The following CACNB1 variants were observed in gnomAD, a reference collection of about 807,000 sequenced individuals.
CACNB1 encodes voltage-dependent L-type calcium channel subunit beta-1.
In CACNB1, 29 loss-of-function variants were observed where a neutral mutation model predicts 71.6. That is an observed-to-expected ratio of 0.40 (90% CI 0.30 to 0.55). The LOEUF is 0.55. Ranked by LOEUF, CACNB1 falls within the 20% of genes least tolerant of loss-of-function variation. The pLI, the probability that CACNB1 is intolerant of heterozygous loss-of-function variation, is 0.38. For missense variants in CACNB1, 623 were observed against 801.8 expected, an observed-to-expected ratio of 0.78 and a Z score of 2.69; for synonymous variants, 300 against 319.6, an observed-to-expected ratio of 0.94 and a Z score of 0.65.
intron 13 of CACNB1, among the ~76,000 whole-genome samples, chr17:39,176,056 A>C (rs2045570514): frequency 6.6e-6 from 1 of 152,174 alleles, no homozygotes; most frequent in African/African-American, 2.4e-5. Context: ...GGTTTTCCAA[A>C]TATATTAACG....
At chr17:39,190,796 A>G (rs1339991327) in intron 3 of CACNB1, among the ~76,000 whole-genome samples, 1 of 152,182 alleles carries the variant, frequency 6.6e-6, no homozygotes, top group East Asian at 1.9e-4. Context: ...CATGTTACAC[A>G]CTTAACACAT....
Position 39,176,736 on chromosome 17 carries a change from T to C in CACNB1, c.1332+614A>G, listed in dbSNP as rs552463928. ...ATCAAGAGGTGGGCTGTGGCTCCCATGGGAGGAGGGCAAGGCAGGATGGGT... is the reference window on the plus strand; with the variant it reads ...ATCAAGAGGTGGGCTGTGGCTCCCACGGGAGGAGGGCAAGGCAGGATGGGT... On this transcript the variant is annotated intron_variant, in intron 13 of 13. Transcript: ENST00000394303. Among the ~76,000 whole-genome samples the C allele has an allele frequency of 2.6e-5, 4 of 152,246 alleles. No individual in the cohort carries two copies. The South Asian group carries it at 8.3e-4, about 32-fold the overall frequency.
At position 39,175,780 on chromosome 17, in the gene CACNB1, T is replaced by C; in HGVS notation, c.1333-123A>G. 2.5e-6 allele frequency: 2 copies of C among 812,388 alleles called. No individual in the cohort carries two copies. The highest frequency in any genetic ancestry group is 3.8e-6 in the Non-Finnish European group (2 of 530,736). The allele number at this position is 812,388 out of a possible 1,614,324, so 50.3% of individuals were successfully genotyped here. A position where few individuals can be genotyped will look rare whatever the true frequency, so the allele number is the denominator to read the frequency against. On this transcript the variant is annotated intron_variant, in intron 13 of 13. Coordinates refer to ENST00000394303, the MANE Select transcript of CACNB1 (RefSeq NM_000723.5). The surrounding 1 kb of genome is among the most constrained non-coding windows in gnomAD (Gnocchi z 4.7). ...GCCTGGATGAAGAGGGTGCTGGCTCTAGAGGAGGGGCCCCGGGGACAAACG... is the reference window on the plus strand; with the variant it reads ...GCCTGGATGAAGAGGGTGCTGGCTCCAGAGGAGGGGCCCCGGGGACAAACG...
chr17:39,177,281 G>A (rs1264486283), intron 13 of CACNB1, 69 bp downstream of exon 13: 2 of 1,608,942 alleles, frequency 1.2e-6, no homozygotes, highest in South Asian at 2.2e-5. Flanking sequence ...GCACCACACT[G>A]CCCCGCTGTG....
At chr17:39,189,562 A>C (rs2046022522) in intron 3 of CACNB1, among the ~76,000 whole-genome samples, 1 of 150,966 alleles carries the variant, frequency 6.6e-6, no homozygotes, top group African/African-American at 2.4e-5. Context: ...GCAATGGCGC[A>C]ATCTTGGCTC....
chr17:39,190,182 G>A (rs1038956916), intron 3 of CACNB1, among the ~76,000 whole-genome samples: 1 of 152,076 alleles, frequency 6.6e-6, no homozygotes, highest in African/African-American at 2.4e-5. Context: ...AGCACTTTGG[G>A]AGGCCGAGGC....
chr17:39,178,072 TGAA>T lies in CACNB1; in HGVS notation c.1055_1057del (p.Leu352del). 1 of 1,613,312 alleles carries T rather than the reference TGAA, an allele frequency of 6.2e-7. No individual in the cohort carries two copies. Among genetic ancestry groups the T allele is most frequent in the Non-Finnish European group, 8.5e-7 (1 of 1,179,310 alleles). Reference sequence around the variant, plus strand: ...CTTTCCTCGGGACTTGATGAGCCTTTGAAGTACCTGGTTTGGGGAGAGAGAAAA... The same window carrying T: ...CTTTCCTCGGGACTTGATGAGCCTTTGTACCTGGTTTGGGGAGAGAGAAAA... On this transcript the variant is annotated inframe_deletion, in exon 12 of 14. Coordinates refer to ENST00000394303, the MANE Select transcript of CACNB1 (RefSeq NM_000723.5).
chr17:39,191,771 A>G, intron 2 of CACNB1, 178 bp from the exon 3 acceptor site: 1 of 593,932 alleles, frequency 1.7e-6, no homozygotes, highest in African/African-American at 2.0e-5. Flanking sequence ...GAGATTTCTC[A>G]GGCCCCTGGG....
rs576164853 is a variant in CACNB1, at chr17:39,177,008, C to A, written c.1332+342G>T. On this transcript the variant is annotated intron_variant, in intron 13 of 13. Coordinates refer to ENST00000394303, the MANE Select transcript of CACNB1 (RefSeq NM_000723.5). ...GTCTTCCTCGCATGTCCTTCCTAGTCCCTTGTCTTAAAAGCGCTCCCATCA... is the reference window on the plus strand; with the variant it reads ...GTCTTCCTCGCATGTCCTTCCTAGTACCTTGTCTTAAAAGCGCTCCCATCA... 26 of 759,314 alleles carry A rather than the reference C, an allele frequency of 3.4e-5. No homozygotes were observed. In the African/African-American group the frequency reaches 4.6e-4, roughly 14 times the overall value. The allele number at this position is 759,314 out of a possible 1,614,324, so 47.0% of individuals were successfully genotyped here.
intron 11 of CACNB1, 160 bp from the exon 12 acceptor site, chr17:39,178,239 C>G: frequency 1.6e-6 from 1 of 622,438 alleles, no homozygotes; most frequent in South Asian, 1.8e-5. Context: ...GAAAGGACCT[C>G]AGCAGCCCTG....
In CACNB1 at chr17:39,177,296, C is replaced by T. The variant is rs958342837; in HGVS notation, c.1332+54G>A. ...GCACCACACTGCCCCGCTGTGAGGA[C>T]TCCAGCCCGCCCCAGAAGCCGAGGT... is the stretch of plus-strand genomic sequence containing the variant. On this transcript the variant is annotated intron_variant, in intron 13 of 13. Coordinates refer to ENST00000394303, the MANE Select transcript of CACNB1 (RefSeq NM_000723.5). 3 of 1,610,594 alleles carry T rather than the reference C, an allele frequency of 1.9e-6. No individual in the cohort carries two copies. The African/African-American group carries it at 4.0e-5, about 21-fold the overall frequency.
chr17:39,178,107 GGAGCTA>G, intron 11 of CACNB1, 28 bp from the exon 12 acceptor site: 1 of 1,544,646 alleles, frequency 6.5e-7, no homozygotes, highest in Non-Finnish European at 9.0e-7. Context: ...AAAAGGAAGA[GGAGCTA>G]GAGGGACTCA....
chr17:39,184,510 CG>C, intron 8 of CACNB1, 127 bp from the exon 9 acceptor site: 1 of 669,510 alleles, frequency 1.5e-6, no homozygotes, highest in South Asian at 1.7e-5. Flanking sequence ...TTACGGCGGG[CG>C]GGGGTCTGAG....
intron 1 of CACNB1, 48 bp downstream of exon 1, chr17:39,197,364 G>A (rs2046222971): frequency 7.7e-7 from 1 of 1,301,942 alleles, no homozygotes; most frequent in Non-Finnish European, 1.0e-6. Flanking sequence ...CCTTAACACG[G>A]TCCGCGGGAG....
At chr17:39,191,679 G>T in intron 2 of CACNB1, 86 bp from the exon 3 acceptor site, 1 of 1,428,090 alleles carries the variant, frequency 7.0e-7, no homozygotes, top group Non-Finnish European at 9.5e-7. Flanking sequence ...CACCCATCAT[G>T]GATGCCTCGA....
At chr17:39,184,006 G>A (rs1178665155) in intron 10 of CACNB1, 25 bp downstream of exon 10, 1 of 1,574,418 alleles carries the variant, frequency 6.4e-7, no homozygotes, top group Non-Finnish European at 8.7e-7. Context: ...GAAAGGGGGA[G>A]TGAAGACAGC....
intron 3 of CACNB1, among the ~76,000 whole-genome samples, chr17:39,190,187 C>T (rs1297452934): frequency 2.0e-5 from 3 of 151,996 alleles, no homozygotes; most frequent in South Asian, 4.2e-4. Flanking sequence ...TTTGGGAGGC[C>T]GAGGCAGGAG....
chr17:39,184,538 T>G (rs1033163626), intron 8 of CACNB1, among the ~76,000 whole-genome samples, 155 bp from the exon 9 acceptor site: 1 of 151,894 alleles, frequency 6.6e-6, no homozygotes, highest in Non-Finnish European at 1.5e-5. Context: ...GGGCCTCCAC[T>G]GGGGTCTCTG....
At chr17:39,178,972 A>G (rs1473733348) in intron 11 of CACNB1, among the ~76,000 whole-genome samples, 1 of 152,124 alleles carries the variant, frequency 6.6e-6, no homozygotes, top group African/African-American at 2.4e-5. Context: ...AAAATTCAAG[A>G]AAGGCTGAGG....
Sources: allele counts gnomAD v4.1 joint callset (sites outside exome capture counted in the v4.1 genomes callset), GRCh38; gene constraint gnomAD v4.1.1; non-coding constraint Gnocchi (gnomAD v3.1); transcripts MANE v1.5; gene names NCBI Gene and HGNC (gene_info 2026-07-23, HGNC 2026-07-21).